The following WDFY2 variants were observed in gnomAD, a reference collection of about 807,000 sequenced individuals.
WDFY2 encodes WD repeat and FYVE domain containing 2, also known as WD repeat and FYVE domain-containing protein 2.
A neutral mutation model predicts 56.4 loss-of-function variants in WDFY2; 36 were observed. The observed-to-expected ratio is 0.64, with a 90% CI of 0.49 to 0.84. WDFY2 has a LOEUF of 0.84. Among genes scored for constraint, WDFY2 ranks in the 40% least tolerant of loss-of-function variants. The probability of loss-of-function intolerance (pLI) is 0.00; values close to 1 mark genes in which losing one functional copy is unlikely to be tolerated. For synonymous variants in WDFY2, 176 were observed against 183.7 expected (o/e 0.96, Z 0.34); for missense variants, 444 against 512.2 (o/e 0.87, Z 1.29).
chr13:51,605,878 T>C (rs1013363082), intron 1 of WDFY2, among the ~76,000 whole-genome samples: 1 of 152,206 alleles, frequency 6.6e-6, no homozygotes, highest in Non-Finnish European at 1.5e-5. Flanking sequence ...TTGCCAGCAT[T>C]TTATTATGAT....
intron 1 of WDFY2, among the ~76,000 whole-genome samples, chr13:51,652,754 G>A (rs1199221029): frequency 6.6e-6 from 1 of 152,360 alleles, no homozygotes; most frequent in South Asian, 2.1e-4. Flanking sequence ...CTGGCTTGCA[G>A]AGTTTGTGCC....
chr13:51,617,706 G>A (rs992526593), intron 1 of WDFY2, among the ~76,000 whole-genome samples: 2 of 152,154 alleles, frequency 1.3e-5, no homozygotes, highest in African/African-American at 4.8e-5. Context: ...TCCAGGAGGA[G>A]GTGGAAAATT....
rs1368107229 is a variant in WDFY2 at position 51,755,401 on chromosome 13, A to G, written c.875A>G (p.Gln292Arg). The change falls in exon 9 of 12, where the codon CAG becomes CGG. Residue 292 changes from glutamine (Q) to arginine (R), a missense_variant. Gln to Arg is a conservative substitution (Grantham distance 43, BLOSUM62 1). Coordinates refer to ENST00000298125, the MANE Select transcript of WDFY2 (RefSeq NM_052950.4). ...AGTGATTCCTGCCAAAAGTGTGATC[A>G]GCCTTTCTTCTGGAACTTCAAGCAA... ...LDSDSCQKCDQPFFWNFKQMW... is the reference protein window; with the variant it reads ...LDSDSCQKCDRPFFWNFKQMW... The G allele has an allele frequency of 6.2e-7, 1 of 1,614,238 alleles. No individual in the cohort carries two copies. Among genetic ancestry groups the G allele is most frequent in the South Asian group, 1.1e-5 (1 of 91,088 alleles).
At chr13:51,605,533 T>C (rs1216055136) in intron 1 of WDFY2, among the ~76,000 whole-genome samples, 2 of 152,184 alleles carry the variant, frequency 1.3e-5, no homozygotes, top group Non-Finnish European at 2.9e-5. Context: ...TAGACATGGG[T>C]TGTATAAATA....
chr13:51,718,559 TACACACACAC>T (rs71192015), intron 4 of WDFY2, among the ~76,000 whole-genome samples: 1,944 of 138,742 alleles, frequency 0.014, 51 homozygotes, highest in African/African-American at 0.049. Context: ...TTATCATTCA[TACACACACAC>T]ACACACACAC....
intron 4 of WDFY2, among the ~76,000 whole-genome samples, chr13:51,710,011 T>G (rs1220505066): frequency 6.6e-6 from 1 of 152,190 alleles, no homozygotes; most frequent in Admixed American, 6.5e-5. Context: ...CCAATATCCC[T>G]GATGAACATC....
intron 1 of WDFY2, among the ~76,000 whole-genome samples, chr13:51,629,127 C>G (rs1344801327): frequency 6.6e-6 from 1 of 152,198 alleles, no homozygotes; most frequent in African/African-American, 2.4e-5. Context: ...ATAAGTGATA[C>G]TCCTCACATG....
rs1404152987 is a variant in WDFY2, at chr13:51,660,642, A to G, written c.184A>G (p.Ser62Gly). The change falls in exon 2 of 12, where the codon AGC (serine) becomes GGC (glycine). Residue 62 changes from serine (S) to glycine (G), a missense_variant. Coordinates refer to ENST00000298125, the MANE Select transcript of WDFY2 (RefSeq NM_052950.4). ...LKRDSGQYWP[S>G]VYHAMPSPCS... is the part of the protein sequence containing the mutation. ...GAGAGACAGTGGACAGTATTGGCCA[A>G]GCGTATACCATGCAATGCCTTGTAA... 13 of 1,613,846 alleles carry G rather than the reference A, an allele frequency of 8.1e-6. No homozygotes were observed. The highest frequency in any genetic ancestry group is 1.1e-5 in the Non-Finnish European group (13 of 1,179,896).
intron 1 of WDFY2, chr13:51,591,895 A>C (rs916236388): frequency 6.6e-6 from 1 of 151,534 alleles, no homozygotes; most frequent in Non-Finnish European, 1.5e-5. Context: ...TTGACATTAT[A>C]GAATTGACCC....
chr13:51,749,217 C>T (rs1454098779), intron 7 of WDFY2, among the ~76,000 whole-genome samples: 1 of 152,022 alleles, frequency 6.6e-6, no homozygotes, highest in Non-Finnish European at 1.5e-5. Context: ...TTAAAAATTT[C>T]TCAGTTTTAA....
At chr13:51,718,778 A>G (rs1952422862) in intron 4 of WDFY2, among the ~76,000 whole-genome samples, 1 of 152,234 alleles carries the variant, frequency 6.6e-6, no homozygotes, top group South Asian at 2.1e-4. Context: ...GTAAGTGCAC[A>G]TAAACTGACG....
intron 1 of WDFY2, among the ~76,000 whole-genome samples, chr13:51,656,475 G>T (rs1335562900): frequency 1.3e-5 from 2 of 151,994 alleles, no homozygotes; most frequent in Non-Finnish European, 2.9e-5. Context: ...GTTGTTGTTA[G>T]TTGGAGTGTT....
Position 51,760,689 on chromosome 13 carries a change from C to T in WDFY2, c.*920C>T, listed in dbSNP as rs913289375. ...CCCTCAACCTTGTTGGCAGCAGGGA[C>T]CGGTTTCAAAATGAAACTGTTCCAC... On this transcript the variant is annotated 3_prime_UTR_variant, in exon 12 of 12. Coordinates refer to ENST00000298125, the MANE Select transcript of WDFY2 (RefSeq NM_052950.4). 12 of 152,228 alleles carry T rather than the reference C, an allele frequency of 7.9e-5. No individual in the cohort carries two copies. Among genetic ancestry groups the T allele is most frequent in the African/African-American group, 2.9e-4 (12 of 41,450 alleles). 9.4% of individuals were successfully genotyped at this position (152,228 alleles called of 1,614,324 possible).
intron 1 of WDFY2, among the ~76,000 whole-genome samples, chr13:51,600,613 G>A (rs1954256192): frequency 6.6e-6 from 1 of 152,164 alleles, no homozygotes; most frequent in South Asian, 2.1e-4. Flanking sequence ...CTAGTGGTCT[G>A]GCTAGGGTCA....
chr13:51,706,392 C>A (rs1952082785), intron 4 of WDFY2, among the ~76,000 whole-genome samples: 3 of 152,266 alleles, frequency 2.0e-5, no homozygotes, highest in Admixed American at 2.0e-4. Flanking sequence ...TATGAACATG[C>A]ACTTGGGGAC....
At position 51,584,504 on chromosome 13, in the gene WDFY2, G is replaced by T. The variant is rs928729899; in HGVS notation, c.-184G>T. 38 of 778,746 alleles carry T rather than the reference G, an allele frequency of 4.9e-5. No individual in the cohort carries two copies. The highest frequency in any genetic ancestry group is 6.4e-5 in the Non-Finnish European group (33 of 519,342). 48.2% of individuals were successfully genotyped at this position (778,746 alleles called of 1,614,324 possible). A position where few individuals can be genotyped will look rare whatever the true frequency, so the allele number is the denominator to read the frequency against. ...CATCCCAGGTCGTGGCGGTTTTGGT[G>T]CCTGAAGCAGGGAGCGCGGAGTCGT... On this transcript the variant is annotated 5_prime_UTR_variant, in exon 1 of 12. Transcript: ENST00000298125.
chr13:51,758,688 AATAG>A (rs1460289271), intron 11 of WDFY2, among the ~76,000 whole-genome samples: 8 of 152,208 alleles, frequency 5.3e-5, no homozygotes, highest in South Asian at 4.1e-4. Context: ...GCCTGCAAGG[AATAG>A]ATAGTCTACT....
intron 2 of WDFY2, among the ~76,000 whole-genome samples, chr13:51,670,677 G>A (rs1385948265): frequency 6.6e-6 from 1 of 152,132 alleles, no homozygotes; most frequent in African/African-American, 2.4e-5. Context: ...TTGTAGAACA[G>A]TAAGATTTCT....
intron 9 of WDFY2, 134 bp downstream of exon 9, chr13:51,755,593 G>A (rs2138736789): frequency 3.8e-6 from 3 of 798,634 alleles, no homozygotes; most frequent in South Asian, 3.3e-5. Context: ...CCTCGTGATT[G>A]CACAGTAATT....
Sources: gnomAD v4.1 joint callset for allele counts (sites outside exome capture counted in the v4.1 genomes callset) on GRCh38, gnomAD v4.1.1 for gene constraint, MANE v1.5 for transcripts, NCBI Gene and HGNC (gene_info 2026-07-23, HGNC 2026-07-21) for gene names.